FAM13B: variants seen among roughly 807,000 people sequenced by gnomAD.
The protein encoded by FAM13B is family with sequence similarity 13 member B.
In FAM13B, 60 loss-of-function variants were observed where a neutral mutation model predicts 117.3. That is an observed-to-expected ratio of 0.51 (90% CI 0.42 to 0.63). The LOEUF is 0.63. FAM13B is among the 30% of genes least tolerant of loss of function. The pLI is 0.00. For missense variants in FAM13B, 972 were observed against 1,091.9 expected (o/e 0.89, Z 1.55); for synonymous variants, 332 against 356.1 (o/e 0.93, Z 0.76).
chr5:137,939,187 G>A lies in FAM13B; in HGVS notation c.*1038C>T, dbSNP rs935571253. ...GGTCCCTTAAGAGGGCGTTGTTGTC[G>A]TTGTTTTGGTATGGATTTTGCTGAT... On this transcript the variant is annotated 3_prime_UTR_variant, in exon 24 of 24. Coordinates refer to ENST00000689681, the MANE Select transcript of FAM13B (RefSeq NM_001385994.1). 8 of 152,114 alleles carry A rather than the reference G, an allele frequency of 5.3e-5. No individual in the cohort carries two copies. Among genetic ancestry groups the A allele is most frequent in the African/African-American group, 1.5e-4 (6 of 41,340 alleles). The allele number at this position is 152,114 out of a possible 1,614,324, so 9.4% of individuals were successfully genotyped here. A position where few individuals can be genotyped will look rare whatever the true frequency, so the allele number is the denominator to read the frequency against.
chr5:138,012,599 G>GTA (rs1220909135), intron 4 of FAM13B, among the ~76,000 whole-genome samples: 7 of 152,224 alleles, frequency 4.6e-5, no homozygotes, highest in Non-Finnish European at 1.0e-4. Flanking sequence ...GTTAGGCCTT[G>GTA]TATTTATCGT....
chr5:137,942,753 T>C lies in FAM13B; in HGVS notation c.2588+122A>G, dbSNP rs1762230388. ...TTGCAAATCACACTTGAAAAGCATG[T>C]GTCCTTTGATAAATTCTTGATTCAT... On this transcript the variant is annotated intron_variant, in intron 22 of 23. Transcript: ENST00000689681. 3 of 746,104 alleles carry C rather than the reference T, an allele frequency of 4.0e-6. No homozygotes were observed. The African/African-American group carries it at 5.5e-5, about 14-fold the overall frequency. 46.2% of individuals were successfully genotyped at this position (746,104 alleles called of 1,614,324 possible).
At chr5:137,962,718 A>G (rs568135440) in intron 10 of FAM13B, among the ~76,000 whole-genome samples, 1 of 152,112 alleles carries the variant, frequency 6.6e-6, no homozygotes, top group African/African-American at 2.4e-5. Context: ...TATCACCACT[A>G]CCATCCTTCT....
intron 15 of FAM13B, among the ~76,000 whole-genome samples, 186 bp downstream of exon 15, chr5:137,953,979 AT>A (rs1384938381): frequency 6.6e-6 from 1 of 151,866 alleles, no homozygotes; most frequent in African/African-American, 2.4e-5. Flanking sequence ...ACTTACAAAA[AT>A]GTGCTCTATA....
rs1783869853 is a variant in FAM13B at position 138,011,026 on chromosome 5, C to T, written c.672G>A (p.Leu224=). Residue 224 remains leucine (L), a synonymous_variant, in exon 6 of 24, where the codon TTG becomes TTA. Coordinates refer to ENST00000689681, the MANE Select transcript of FAM13B (RefSeq NM_001385994.1). ...NEEEDFSSND[L]SSITEQVNEL... ...TTCTCACCTGTTCAGTAATTGAACT[C>T]AAATCATTAGATGAAAAATCTTCCT... 2 of 1,594,126 alleles carry T rather than the reference C, an allele frequency of 1.3e-6. No homozygotes were observed. The highest frequency in any genetic ancestry group is 1.8e-5 in the Admixed American group (1 of 56,992).
intron 9 of FAM13B, among the ~76,000 whole-genome samples, chr5:137,985,772 A>G (rs1561495971): frequency 6.6e-6 from 1 of 152,218 alleles, no homozygotes. Flanking sequence ...ATCAAGTAAA[A>G]CAGAAATAGC....
intron 7 of FAM13B, among the ~76,000 whole-genome samples, chr5:138,002,990 C>T (rs1781666328): frequency 6.6e-6 from 1 of 151,986 alleles, no homozygotes; most frequent in Non-Finnish European, 1.5e-5. Flanking sequence ...CTCTAACTAG[C>T]TGTGTGCTTC....
chr5:137,980,050 G>A (rs1266359812), intron 10 of FAM13B, among the ~76,000 whole-genome samples: 1 of 148,946 alleles, frequency 6.7e-6, no homozygotes, highest in African/African-American at 2.5e-5. Context: ...GCACATGCCT[G>A]TAATCCCAGG....
In FAM13B at chr5:137,983,205, A is replaced by C. The variant is rs1017935279; in HGVS notation, c.1179+2052T>G. Among the ~76,000 whole-genome samples the C allele has an allele frequency of 8.5e-5, 8 of 94,224 alleles. No homozygotes were observed. The East Asian group carries it at 1.5e-3, about 18-fold the overall frequency. The allele number at this position is 94,224 out of a possible 152,430, so 61.8% of individuals were successfully genotyped here. ...AAAAAAAAAAAAAAAAAAAAAAAAA[A>C]AAAAAAAAAACCGAGTGAGATATCC... On this transcript the variant is annotated intron_variant, in intron 10 of 23. Coordinates refer to ENST00000689681, the MANE Select transcript of FAM13B (RefSeq NM_001385994.1).
chr5:137,942,104 A>G, intron 22 of FAM13B, 59 bp from the exon 23 acceptor site: 1 of 1,413,312 alleles, frequency 7.1e-7, no homozygotes, highest in South Asian at 1.2e-5. Context: ...TTCTTAAGAG[A>G]GGTTCTATTT....
intron 1 of FAM13B, among the ~76,000 whole-genome samples, chr5:138,023,642 A>C (rs1050633088): frequency 6.6e-6 from 1 of 152,124 alleles, no homozygotes; most frequent in Admixed American, 6.5e-5. Context: ...ATCACAGCTC[A>C]CTGCAGCCTC....
At chr5:137,965,092 T>C (rs1172253060) in intron 10 of FAM13B, among the ~76,000 whole-genome samples, 8 of 151,778 alleles carry the variant, frequency 5.3e-5, no homozygotes, top group Admixed American at 3.9e-4. Context: ...TTGAACCCAG[T>C]GGGGAGGAGC....
intron 7 of FAM13B, among the ~76,000 whole-genome samples, chr5:137,997,053 A>G (rs1780045581): frequency 6.6e-6 from 1 of 152,236 alleles, no homozygotes; most frequent in African/African-American, 2.4e-5. Context: ...CTTTCCCAAT[A>G]CAACACAGGA....
At chr5:138,018,203 A>C in intron 4 of FAM13B, 99 bp downstream of exon 4, 1 of 1,015,848 alleles carries the variant, frequency 9.8e-7, no homozygotes, top group Non-Finnish European at 1.4e-6. Context: ...ATTAATCTCT[A>C]AAATACTATA....
chr5:138,026,628 CAAAAAAAAAA>C (rs56195021), intron 1 of FAM13B, among the ~76,000 whole-genome samples: 17 of 29,438 alleles, frequency 5.8e-4, no homozygotes, highest in Admixed American at 4.2e-3. Context: ...GACCGTGTCT[CAAAAAAAAAA>C]AAAAAAAAAA....
chr5:138,009,308 G>A (rs769290937), intron 6 of FAM13B, among the ~76,000 whole-genome samples: 5 of 152,164 alleles, frequency 3.3e-5, no homozygotes, highest in Non-Finnish European at 7.4e-5. Flanking sequence ...ACTGGCCTAA[G>A]TGATTAACTG....
At position 137,969,135 on chromosome 5, in the gene FAM13B, G is replaced by C. The variant is rs534670613; in HGVS notation, c.1180-6666C>G. Reference sequence around the variant, plus strand: ...AGCTCAAGGAGGCCTGCCTGCCTCTGTAGGCTCCACCTCTGGGGGGCAGGG... The same window carrying C: ...AGCTCAAGGAGGCCTGCCTGCCTCTCTAGGCTCCACCTCTGGGGGGCAGGG... On this transcript the variant is annotated intron_variant, in intron 10 of 23. Coordinates refer to ENST00000689681, the MANE Select transcript of FAM13B (RefSeq NM_001385994.1). Among the ~76,000 whole-genome samples, 586 of 152,372 alleles carry C rather than the reference G, an allele frequency of 3.8e-3. 3 individuals are homozygous for C. Among genetic ancestry groups the C allele is most frequent in the Non-Finnish European group, 6.1e-3 (417 of 68,042 alleles).
chr5:138,006,325 C>A (rs1039587628), intron 7 of FAM13B, among the ~76,000 whole-genome samples: 5 of 152,062 alleles, frequency 3.3e-5, no homozygotes, highest in African/African-American at 9.7e-5. Context: ...TTACGGAGAA[C>A]GAGCATAGAA....
intron 10 of FAM13B, among the ~76,000 whole-genome samples, chr5:137,983,231 T>G: frequency 8.0e-6 from 1 of 124,528 alleles, no homozygotes; most frequent in East Asian, 2.2e-4. Context: ...TGAGATATCC[T>G]GAATGCCAAG....
Sources: gnomAD v4.1 joint callset for allele counts (sites outside exome capture counted in the v4.1 genomes callset) on GRCh38, gnomAD v4.1.1 for gene constraint, MANE v1.5 for transcripts, NCBI Gene and HGNC (gene_info 2026-07-23, HGNC 2026-07-21) for gene names.